Variants in DGKK observed in about 807,000 individuals in gnomAD.
The protein encoded by DGKK is diacylglycerol kinase kappa.
A neutral mutation model predicts 92.2 loss-of-function variants in DGKK; 35 were observed. That is an observed-to-expected ratio of 0.38 (90% CI 0.29 to 0.50). DGKK has a LOEUF of 0.50. Ranked by LOEUF, DGKK falls within the 20% of genes least tolerant of loss-of-function variation. The pLI, the probability that DGKK is intolerant of heterozygous loss-of-function variation, is 0.92. For synonymous variants in DGKK, 368 were observed against 360.6 expected, an observed-to-expected ratio of 1.02 and a Z score of -0.23; for missense variants, 910 against 992.2, an observed-to-expected ratio of 0.92 and a Z score of 1.11.
intron 1 of DGKK, among the ~76,000 whole-genome samples, chrX:50,446,769 T>G (rs1357999790): frequency 6.3e-5 from 7 of 111,505 alleles, no homozygotes; most frequent in African/African-American, 2.3e-4. Context: ...TGGCTCATGC[T>G]TTTGATAGCA....
chrX:50,442,332 T>C (rs1449938507), intron 1 of DGKK, among the ~76,000 whole-genome samples: 2 of 111,704 alleles, frequency 1.8e-5, no homozygotes, highest in African/African-American at 6.5e-5. Flanking sequence ...TGATTAGTCA[T>C]GCCACAACTG....
chrX:50,416,061 G>T (rs146442221), intron 4 of DGKK, among the ~76,000 whole-genome samples: 420 of 110,830 alleles, frequency 3.8e-3, no homozygotes, highest in Non-Finnish European at 6.6e-3. Context: ...CTTATAAAAG[G>T]GACCCCAGAG....
chrX:50,417,667 G>A (rs1166290326), intron 4 of DGKK, among the ~76,000 whole-genome samples: 1 of 110,175 alleles, frequency 9.1e-6, no homozygotes, highest in African/African-American at 3.3e-5. Flanking sequence ...ATCCACACTT[G>A]TCCTCCCTTT....
intron 26 of DGKK, among the ~76,000 whole-genome samples, chrX:50,371,395 AG>A (rs1924122298): frequency 8.9e-6 from 1 of 112,035 alleles, no homozygotes; most frequent in South Asian, 3.8e-4. Context: ...CTGAGCAGGG[AG>A]GGGGAATTTG....
chrX:50,422,352 C>A, intron 3 of DGKK, 94 bp downstream of exon 3: 2 of 692,900 alleles, frequency 2.9e-6, no homozygotes, highest in Non-Finnish European at 4.2e-6. Flanking sequence ...ACTTTGGAAA[C>A]CTGAAGTTCA....
At chrX:50,420,563 C>A (rs1925557420) in intron 3 of DGKK, 56 bp from the exon 4 acceptor site, 15 of 1,056,220 alleles carry the variant, frequency 1.4e-5, no homozygotes, top group Non-Finnish European at 2.0e-5. Flanking sequence ...TGCCTTCAAA[C>A]ACAGTCTGTG....
At chrX:50,447,306 A>G (rs1263955551) in intron 1 of DGKK, among the ~76,000 whole-genome samples, 78 of 54,734 alleles carry the variant, frequency 1.4e-3, no homozygotes, top group African/African-American at 4.7e-3. Flanking sequence ...GTCTACGAGA[A>G]GTAGTATGTG....
chrX:50,404,096 C>A lies in DGKK; in HGVS notation c.1031G>T (p.Cys344Phe). 1 of 1,211,230 alleles carries A rather than the reference C, an allele frequency of 8.3e-7. No homozygotes were observed. Among genetic ancestry groups the A allele is most frequent in the Non-Finnish European group, 1.1e-6 (1 of 895,310 alleles). Reference protein sequence around the residue: ...YSHRTQHCNVCRESIPALSRD... With the variant: ...YSHRTQHCNVFRESIPALSRD... ...AGATAAGGCAGGAATGCTCTCTCGACAAACATTGCAGTGCTGGGTCCGGTG... is the reference window on the plus strand; with the variant it reads ...AGATAAGGCAGGAATGCTCTCTCGAAAAACATTGCAGTGCTGGGTCCGGTG... The change falls in exon 5 of 28, where the codon TGT becomes TTT. Residue 344 changes from cysteine (C) to phenylalanine (F), a missense_variant. By Grantham distance (205) the Cys-to-Phe change is radical (BLOSUM62 -2). Coordinates refer to ENST00000611977, the MANE Select transcript of DGKK (RefSeq NM_001013742.4).
At chrX:50,439,601 T>G (rs1190110296) in intron 1 of DGKK, among the ~76,000 whole-genome samples, 1 of 110,850 alleles carries the variant, frequency 9.0e-6, no homozygotes, top group Admixed American at 9.7e-5. Flanking sequence ...CAATTTGATA[T>G]TAGTGTTTTG....
At chrX:50,439,471 G>A (rs1368676198) in intron 1 of DGKK, among the ~76,000 whole-genome samples, 2 of 111,081 alleles carry the variant, frequency 1.8e-5, no homozygotes, top group East Asian at 2.9e-4. Flanking sequence ...AGGTAGAAAC[G>A]CAATACATAT....
At chrX:50,429,098 T>G (rs1169175645) in intron 1 of DGKK, among the ~76,000 whole-genome samples, 1 of 111,893 alleles carries the variant, frequency 8.9e-6, no homozygotes, top group Non-Finnish European at 1.9e-5. Context: ...CCTAAGAAGA[T>G]TTGCATACTG....
At chrX:50,405,342 T>C (rs1925123369) in intron 4 of DGKK, among the ~76,000 whole-genome samples, 1 of 111,890 alleles carries the variant, frequency 8.9e-6, no homozygotes, top group South Asian at 3.8e-4. Context: ...CTCCAAGGAC[T>C]CTTACACCTT....
At chrX:50,443,580 C>A (rs1926217600) in intron 1 of DGKK, among the ~76,000 whole-genome samples, 1 of 110,482 alleles carries the variant, frequency 9.1e-6, no homozygotes, top group Non-Finnish European at 1.9e-5. Context: ...TTCTGTGCAC[C>A]CTTCACCTAG....
chrX:50,404,076 A>C lies in DGKK; in HGVS notation c.1051T>G (p.Leu351Val). ...CNVCRESIPALSRDAIICEVC... is the reference protein window; with the variant it reads ...CNVCRESIPAVSRDAIICEVC... The stretch of plus-strand genomic sequence containing the variant: ...TCACAGATGATGGCATCTCTAGATA[A>C]GGCAGGAATGCTCTCTCGACAAACA... Residue 351 changes from leucine to valine, a missense_variant, in exon 5 of 28, where the codon TTA (leucine) becomes GTA (valine). Transcript: ENST00000611977. 8.3e-7 allele frequency: 1 copy of C among 1,211,246 alleles called. No homozygotes were observed. Among genetic ancestry groups the C allele is most frequent in the South Asian group, 1.8e-5 (1 of 56,812 alleles).
chrX:50,416,650 C>T (rs1191875676), intron 4 of DGKK, among the ~76,000 whole-genome samples: 2 of 111,794 alleles, frequency 1.8e-5, no homozygotes, highest in African/African-American at 6.5e-5. Context: ...GTTAGGGCCT[C>T]CCAGGTTGGC....
At chrX:50,391,967 G>C (rs1029067298) in intron 10 of DGKK, among the ~76,000 whole-genome samples, 6 of 112,145 alleles carry the variant, frequency 5.4e-5, no homozygotes, top group African/African-American at 1.6e-4. Flanking sequence ...AGGAGACATA[G>C]AGGAAACTTT....
intron 2 of DGKK, among the ~76,000 whole-genome samples, chrX:50,422,734 AC>A (rs1925631144): frequency 8.9e-6 from 1 of 111,744 alleles, no homozygotes; most frequent in Admixed American, 9.5e-5. Context: ...GTATCATGTG[AC>A]CAAAAAATGA....
chrX:50,370,359 T>C (rs1924088095), intron 27 of DGKK, 67 bp downstream of exon 27: 1 of 1,131,432 alleles, frequency 8.8e-7, no homozygotes, highest in East Asian at 3.2e-5. Flanking sequence ...GGGCTTCAGG[T>C]CCCTGGGAGG....
At chrX:50,459,329 A>G (rs1235455993) in intron 1 of DGKK, among the ~76,000 whole-genome samples, 1 of 111,194 alleles carries the variant, frequency 9.0e-6, no homozygotes, top group Non-Finnish European at 1.9e-5. Context: ...TGCTATACGG[A>G]GTACAAAGTA....
Sources: gnomAD v4.1 joint callset for allele counts (sites outside exome capture counted in the v4.1 genomes callset) on GRCh38, gnomAD v4.1.1 for gene constraint, MANE v1.5 for transcripts, NCBI Gene and HGNC (gene_info 2026-07-23, HGNC 2026-07-21) for gene names.